The following FRMD3 variants were observed in gnomAD, a reference collection of about 807,000 sequenced individuals.
The protein encoded by FRMD3 is FERM domain containing 3.
A neutral mutation model predicts 70.2 loss-of-function variants in FRMD3; 33 were observed. The observed-to-expected ratio is 0.47, with a 90% CI of 0.36 to 0.63. The LOEUF (loss-of-function observed/expected upper bound fraction) is 0.63. FRMD3 is among the 20% of genes least tolerant of loss of function. The probability of loss-of-function intolerance (pLI) is 0.00; values close to 1 mark genes in which losing one functional copy is unlikely to be tolerated. For synonymous variants in FRMD3, 279 were observed against 255.9 expected (o/e 1.09, Z -0.86); for missense variants, 632 against 711.4 (o/e 0.89, Z 1.27).
At chr9:83,418,592 C>T (rs1465207652) in intron 1 of FRMD3, among the ~76,000 whole-genome samples, 2 of 152,106 alleles carry the variant, frequency 1.3e-5, no homozygotes, top group African/African-American at 4.8e-5. Flanking sequence ...CTACCTTACT[C>T]CTGCAAGAAT....
intron 13 of FRMD3, among the ~76,000 whole-genome samples, chr9:83,274,743 T>C (rs890985433): frequency 1.1e-4 from 17 of 152,222 alleles, no homozygotes; most frequent in Non-Finnish European, 2.1e-4. Context: ...CTCCATGCAG[T>C]CAATGGCCAG....
At chr9:83,547,326 AT>A in the FRMD3 span, among the ~76,000 whole-genome samples, 1 of 148,566 alleles carries the variant, frequency 6.7e-6, no homozygotes, top group Non-Finnish European at 1.5e-5. Flanking sequence ...ATTATATAAT[AT>A]TATATATAAT....
At chr9:83,418,962 G>C (rs1385932354) in intron 1 of FRMD3, among the ~76,000 whole-genome samples, 2 of 152,158 alleles carry the variant, frequency 1.3e-5, no homozygotes, top group African/African-American at 4.8e-5. Flanking sequence ...GCCATTAAAA[G>C]GAAGAAAACA....
At chr9:83,556,125 C>G in the FRMD3 span, among the ~76,000 whole-genome samples, 27,274 of 151,976 alleles carry the variant, frequency 0.18, 2,608 homozygotes, top group East Asian at 0.34. Context: ...CTATCTACCT[C>G]TAGTCAGCCA....
At chr9:83,467,786 A>G (rs753729659) in intron 1 of FRMD3, 5 of 1,382,704 alleles carry the variant, frequency 3.6e-6, no homozygotes, top group South Asian at 1.8e-5. Context: ...TTGTTTACCT[A>G]TAGAAATCTT....
intron 1 of FRMD3, among the ~76,000 whole-genome samples, chr9:83,452,848 C>CT (rs11346596): frequency 0.083 from 6,040 of 72,386 alleles, 318 homozygotes; most frequent in East Asian, 0.13. Context: ...TTTTTATTGC[C>CT]TTTTTTTTTT....
chr9:83,450,821 G>A (rs924093748), intron 1 of FRMD3, among the ~76,000 whole-genome samples: 6 of 152,172 alleles, frequency 3.9e-5, no homozygotes, highest in African/African-American at 1.2e-4. Flanking sequence ...GGGACACCGA[G>A]GGCCTGCACT....
chr9:83,558,109 A>G, the FRMD3 span, among the ~76,000 whole-genome samples: 73 of 152,348 alleles, frequency 4.8e-4, no homozygotes, highest in African/African-American at 1.7e-3. Flanking sequence ...ATGCACCAAA[A>G]TAAGAACTTT....
the FRMD3 span, among the ~76,000 whole-genome samples, chr9:83,558,507 A>G: frequency 1.3e-5 from 2 of 152,236 alleles, no homozygotes; most frequent in African/African-American, 4.8e-5. Context: ...ACTTCACTTT[A>G]TTGCTCTAAT....
Position 83,424,319 on chromosome 9 carries a change from C to T in FRMD3, c.148-34611G>A, listed in dbSNP as rs547395847. The stretch of plus-strand genomic sequence containing the variant: ...GTTAGACGATACAGAATCACTTTCC[C>T]TTGTCTACCCTTCCACCCTTACACT... On this transcript the variant is annotated intron_variant, in intron 1 of 13. Transcript: ENST00000304195. Among the ~76,000 whole-genome samples the T allele has an allele frequency of 5.9e-5, 9 of 152,324 alleles. No homozygotes were observed. In the East Asian group the frequency reaches 1.5e-3, roughly 26 times the overall value.
intron 3 of FRMD3, among the ~76,000 whole-genome samples, chr9:83,355,183 C>A (rs1340104800): frequency 3.9e-5 from 6 of 152,202 alleles, no homozygotes; most frequent in Non-Finnish European, 5.9e-5. Context: ...ATCCAGCTTC[C>A]ATGTGTTCTT....
intron 13 of FRMD3, among the ~76,000 whole-genome samples, chr9:83,257,633 A>T (rs1030053944): frequency 6.6e-6 from 1 of 151,384 alleles, no homozygotes; most frequent in African/African-American, 2.4e-5. Context: ...TAAATTAATT[A>T]AAGCCAAACT....
intron 6 of FRMD3, among the ~76,000 whole-genome samples, chr9:83,316,436 C>T (rs1278644883): frequency 1.3e-5 from 2 of 152,182 alleles, no homozygotes; most frequent in Non-Finnish European, 2.9e-5. Flanking sequence ...GGATTGCAGG[C>T]ATGAGCCACT....
chr9:83,346,255 C>CAAA (rs56163115), intron 4 of FRMD3, among the ~76,000 whole-genome samples: 14,961 of 61,962 alleles, frequency 0.24, 2,138 homozygotes, highest in Non-Finnish European at 0.32. Flanking sequence ...GACGCCATCT[C>CAAA]AAAAAAAAAA....
chr9:83,461,389 C>G (rs1040702038), intron 1 of FRMD3, among the ~76,000 whole-genome samples: 1 of 151,648 alleles, frequency 6.6e-6, no homozygotes, highest in Non-Finnish European at 1.5e-5. Context: ...CCACTGAGAC[C>G]CACTAAGTTT....
intron 13 of FRMD3, among the ~76,000 whole-genome samples, chr9:83,248,973 T>C (rs536167268): frequency 1.3e-5 from 2 of 152,322 alleles, no homozygotes; most frequent in South Asian, 2.1e-4. Flanking sequence ...CTAGACACAA[T>C]TTTGTGTTCT....
chr9:83,299,447 T>C (rs1048265858), intron 10 of FRMD3, among the ~76,000 whole-genome samples: 2 of 152,238 alleles, frequency 1.3e-5, no homozygotes, highest in African/African-American at 4.8e-5. Flanking sequence ...CTGGGTTTCA[T>C]AATTCATTAG....
intron 8 of FRMD3, among the ~76,000 whole-genome samples, chr9:83,310,838 C>A (rs1215941586): frequency 6.6e-6 from 1 of 152,152 alleles, no homozygotes; most frequent in Non-Finnish European, 1.5e-5. Flanking sequence ...ATGATCAGAA[C>A]AATATTAATT....
At chr9:83,440,225 C>G (rs2131392507) in intron 1 of FRMD3, among the ~76,000 whole-genome samples, 1 of 152,262 alleles carries the variant, frequency 6.6e-6, no homozygotes, top group Non-Finnish European at 1.5e-5. Context: ...ATTCTGAAAT[C>G]CAAGTCATGT....
Sources: allele counts gnomAD v4.1 joint callset (sites outside exome capture counted in the v4.1 genomes callset), GRCh38; gene constraint gnomAD v4.1.1; transcripts MANE v1.5; gene names NCBI Gene and HGNC (gene_info 2026-07-23, HGNC 2026-07-21).